The following CNTNAP5 variants were observed in gnomAD, a reference collection of about 807,000 sequenced individuals.
The protein encoded by CNTNAP5 is contactin-associated protein-like 5.
CNTNAP5 carries 72 observed loss-of-function variants against 150.2 expected under a neutral mutation model. The ratio of observed to expected loss-of-function variants is 0.48; its 90% CI spans 0.40 to 0.58. The LOEUF is 0.58. Among genes scored for constraint, CNTNAP5 ranks in the 20% least tolerant of loss-of-function variants. CNTNAP5 has a pLI of 0.00. For missense variants in CNTNAP5, 1,636 were observed against 1,626.2 expected (o/e 1.01, Z -0.10); for synonymous variants, 672 against 619.8 (o/e 1.08, Z -1.25).
intron 1 of CNTNAP5, among the ~76,000 whole-genome samples, chr2:124,101,994 T>C (rs1423365592): frequency 6.6e-6 from 1 of 152,176 alleles, no homozygotes; most frequent in Admixed American, 6.5e-5. Flanking sequence ...AGCGTATCAC[T>C]GATTTTCCAC....
intron 1 of CNTNAP5, among the ~76,000 whole-genome samples, chr2:124,169,487 G>A (rs1298091129): frequency 2.6e-5 from 4 of 152,164 alleles, no homozygotes; most frequent in South Asian, 4.1e-4. Context: ...CTTGAGTTAT[G>A]AATAGAAACC....
chr2:124,096,093 A>G (rs1682927776), intron 1 of CNTNAP5, among the ~76,000 whole-genome samples: 1 of 152,062 alleles, frequency 6.6e-6, no homozygotes, highest in Admixed American at 6.5e-5. Flanking sequence ...TTATTCTAAT[A>G]TTTTCTTATT....
chr2:124,728,651 A>C (rs1177667937), intron 13 of CNTNAP5, among the ~76,000 whole-genome samples: 1 of 152,062 alleles, frequency 6.6e-6, no homozygotes, highest in Non-Finnish European at 1.5e-5. Context: ...CTGAAGTAAT[A>C]GTTATTCATA....
At chr2:124,281,715 T>G (rs1688016090) in intron 3 of CNTNAP5, among the ~76,000 whole-genome samples, 1 of 152,152 alleles carries the variant, frequency 6.6e-6, no homozygotes, top group Non-Finnish European at 1.5e-5. Context: ...GAGCTTTTGC[T>G]TGCTTTTTTC....
At chr2:124,659,670 C>T (rs1432183786) in intron 13 of CNTNAP5, among the ~76,000 whole-genome samples, 5 of 152,160 alleles carry the variant, frequency 3.3e-5, no homozygotes, top group South Asian at 2.1e-4. Flanking sequence ...ACTATGCATG[C>T]GTAGTATGGG....
chr2:124,566,767 G>A (rs1233258210), intron 11 of CNTNAP5, among the ~76,000 whole-genome samples: 4 of 152,224 alleles, frequency 2.6e-5, no homozygotes, highest in Middle Eastern at 3.4e-3. Flanking sequence ...GAGGACCATT[G>A]TTTTTAGTCA....
chr2:124,449,873 C>A (rs777806337), intron 6 of CNTNAP5, among the ~76,000 whole-genome samples: 1 of 152,046 alleles, frequency 6.6e-6, no homozygotes, highest in Non-Finnish European at 1.5e-5. Flanking sequence ...TGAAGATTCA[C>A]CCCAAAGTCT....
intron 13 of CNTNAP5, among the ~76,000 whole-genome samples, chr2:124,648,587 TA>T (rs1678254819): frequency 1.3e-5 from 2 of 152,202 alleles, no homozygotes; most frequent in Admixed American, 1.3e-4. Context: ...TTCCCATGGT[TA>T]TTTTTTACAG....
At chr2:124,323,994 A>G (rs1474929701) in intron 3 of CNTNAP5, among the ~76,000 whole-genome samples, 1 of 152,122 alleles carries the variant, frequency 6.6e-6, no homozygotes, top group Non-Finnish European at 1.5e-5. Context: ...CTGGGAGTGC[A>G]ATTTGGGAAA....
chr2:124,893,839 T>G (rs1678250164), intron 21 of CNTNAP5, among the ~76,000 whole-genome samples: 1 of 152,120 alleles, frequency 6.6e-6, no homozygotes, highest in Admixed American at 6.6e-5. Context: ...GCTCTCTGGA[T>G]CTTTATAGAG....
chr2:124,819,232 A>T (rs986343470), intron 19 of CNTNAP5, among the ~76,000 whole-genome samples: 1 of 152,150 alleles, frequency 6.6e-6, no homozygotes, highest in African/African-American at 2.4e-5. Context: ...GAGGGCACAG[A>T]TGTTGTCCTT....
chr2:124,794,224 C>A (rs926082431), intron 18 of CNTNAP5, among the ~76,000 whole-genome samples: 4 of 152,220 alleles, frequency 2.6e-5, no homozygotes, highest in Admixed American at 6.5e-5. Flanking sequence ...AGCTCTGGCA[C>A]CACCCCTGCT....
intron 10 of CNTNAP5, among the ~76,000 whole-genome samples, chr2:124,531,572 C>T (rs544711554): frequency 5.3e-5 from 8 of 152,244 alleles, no homozygotes; most frequent in African/African-American, 1.9e-4. Context: ...GCTGTAAAAG[C>T]TCTAGAAGCT....
At chr2:124,399,461 C>T (rs973956049) in intron 3 of CNTNAP5, among the ~76,000 whole-genome samples, 15 of 151,988 alleles carry the variant, frequency 9.9e-5, no homozygotes, top group East Asian at 3.9e-4. Flanking sequence ...TTATCTTTGG[C>T]GAAAATTGAC....
intron 3 of CNTNAP5, among the ~76,000 whole-genome samples, chr2:124,277,885 T>C (rs540111433): frequency 4.6e-5 from 7 of 152,256 alleles, no homozygotes; most frequent in African/African-American, 1.7e-4. Context: ...CATGCGGATA[T>C]GCAGAAGGGG....
chr2:124,320,627 A>T (rs2104668446), intron 3 of CNTNAP5, among the ~76,000 whole-genome samples: 1 of 152,296 alleles, frequency 6.6e-6, no homozygotes, highest in East Asian at 1.9e-4. Context: ...GTGCACCAAA[A>T]GAAGGAAAAA....
intron 13 of CNTNAP5, among the ~76,000 whole-genome samples, chr2:124,738,558 C>A (rs909251329): frequency 1.3e-5 from 2 of 151,946 alleles, no homozygotes; most frequent in African/African-American, 2.4e-5. Context: ...CATGGTGAAA[C>A]CCCGTCCTAC....
intron 10 of CNTNAP5, among the ~76,000 whole-genome samples, chr2:124,554,839 A>G (rs1028540348): frequency 2.0e-5 from 3 of 152,240 alleles, no homozygotes; most frequent in Admixed American, 6.5e-5. Flanking sequence ...TAATCTTCCT[A>G]CAAGAGACAC....
intron 19 of CNTNAP5, among the ~76,000 whole-genome samples, chr2:124,799,737 T>A (rs1488830439): frequency 1.3e-5 from 2 of 152,188 alleles, no homozygotes; most frequent in Non-Finnish European, 2.9e-5. Context: ...GAATGATGAA[T>A]GGGTGTAAAG....
Sources: allele counts gnomAD v4.1 joint callset (sites outside exome capture counted in the v4.1 genomes callset), GRCh38; gene constraint gnomAD v4.1.1; transcripts MANE v1.5; gene names NCBI Gene and HGNC (gene_info 2026-07-23, HGNC 2026-07-21).